The following BARD1 variants were observed in gnomAD, a reference collection of about 807,000 sequenced individuals.
BARD1 encodes the protein BRCA1 associated RING domain 1.
BARD1 carries 73 observed loss-of-function variants against 77.0 expected under a neutral mutation model. The observed-to-expected ratio is 0.95, with a 90% CI of 0.79 to 1.15. BARD1 has a LOEUF of 1.15. Ranked by LOEUF, BARD1 falls within the 50% of genes most tolerant of loss-of-function variation. The pLI is 0.00. For synonymous variants in BARD1, 384 were observed against 338.0 expected (o/e 1.14, Z -1.49); for missense variants, 993 against 938.8 (o/e 1.06, Z -0.75).
In BARD1 at chr2:214,744,403, C is replaced by T. The variant is rs532586815; in HGVS notation, c.1903+664G>A. Among the ~76,000 whole-genome samples, 4 of 152,246 alleles carry T rather than the reference C, an allele frequency of 2.6e-5. No individual in the cohort carries two copies. In the South Asian group the frequency reaches 8.3e-4, roughly 32 times the overall value. On this transcript the variant is annotated intron_variant, in intron 9 of 10. Transcript: ENST00000260947. ...ATCATAAAGGAAAAGCAATAAATTGCTTTCATTTCACAGACATGTCATGCA... is the reference window on the plus strand; with the variant it reads ...ATCATAAAGGAAAAGCAATAAATTGTTTTCATTTCACAGACATGTCATGCA...
At chr2:214,804,402 G>T (rs868845386) in intron 1 of BARD1, among the ~76,000 whole-genome samples, 1 of 152,146 alleles carries the variant, frequency 6.6e-6, no homozygotes, top group East Asian at 1.9e-4. Flanking sequence ...CTACAAACGT[G>T]AACCTAGTTT....
Position 214,745,152 on chromosome 2 carries a change from A to G in BARD1, c.1818T>C (p.His606=), listed in dbSNP as rs199590147. The change falls in exon 9 of 11, where the codon CAT becomes CAC. Residue 606 remains histidine, a synonymous_variant. Transcript: ENST00000260947. ...KYTEFDSTVT[H]VVVPGDAVQS... is the part of the protein sequence containing the mutation. ...GAACTGCATCACCAGGAACAACAAC[A>G]TGAGTTACTAAAATACAAAAAAAGC... 13 of 1,613,420 alleles carry G rather than the reference A, an allele frequency of 8.1e-6. No homozygotes were observed. Among genetic ancestry groups the G allele is most frequent in the Admixed American group, 1.7e-5 (1 of 60,010 alleles).
Position 214,797,075 on chromosome 2 carries a change from C to T in BARD1, c.201G>A (p.Glu67=), listed in dbSNP as rs1385746925. Residue 67 remains glutamate, a synonymous_variant, in exon 2 of 11, where the codon GAG becomes GAA. Transcript: ENST00000260947. ...TAATTACTTACCTACAGAAGATGTGCTCACATCCTCCTAAACACACAGGCT... is the reference window on the plus strand; with the variant it reads ...TAATTACTTACCTACAGAAGATGTGTTCACATCCTCCTAAACACACAGGCT... The part of the protein sequence containing the change: ...LREPVCLGGC[E]HIFCSNCVSD... The T allele has an allele frequency of 1.2e-6, 2 of 1,612,434 alleles. No individual in the cohort carries two copies. Among genetic ancestry groups the T allele is most frequent in the South Asian group, 2.2e-5 (2 of 91,058 alleles).
intron 4 of BARD1, among the ~76,000 whole-genome samples, chr2:214,775,750 A>T (rs1694711077): frequency 6.6e-6 from 1 of 152,208 alleles, no homozygotes; most frequent in African/African-American, 2.4e-5. Flanking sequence ...ATGGCACAAT[A>T]AGTTACTGGT....
chr2:214,787,218 CAACT>C (rs1695313117), intron 3 of BARD1, among the ~76,000 whole-genome samples: 1 of 151,682 alleles, frequency 6.6e-6, no homozygotes, highest in African/African-American at 2.4e-5. Context: ...GCAACATACT[CAACT>C]GACTAAAAAA....
chr2:214,765,040 A>G (rs1694132317), intron 6 of BARD1, among the ~76,000 whole-genome samples: 1 of 152,200 alleles, frequency 6.6e-6, no homozygotes, highest in Non-Finnish European at 1.5e-5. Flanking sequence ...TGTATCAACC[A>G]GCTGTCCAAC....
At chr2:214,773,938 A>G (rs6750341) in intron 4 of BARD1, among the ~76,000 whole-genome samples, 5,302 of 152,280 alleles carry the variant, frequency 0.035, 125 homozygotes, top group Non-Finnish European at 0.049. Flanking sequence ...TGTTTTATCA[A>G]CTAAGATGAT....
intron 6 of BARD1, among the ~76,000 whole-genome samples, chr2:214,757,085 C>T (rs1693728162): frequency 6.6e-6 from 1 of 152,140 alleles, no homozygotes; most frequent in African/African-American, 2.4e-5. Flanking sequence ...CATCTCCCAC[C>T]ATGACTGTAA....
chr2:214,780,109 C>T lies in BARD1; in HGVS notation c.1314+451G>A, dbSNP rs150312965. On this transcript the variant is annotated intron_variant, in intron 4 of 10. Transcript: ENST00000260947. ...AGCCATTTCTGATAGTCAAATGTCC[C>T]GGTCATTGGAGAAATGTACAGACCA... Among the ~76,000 whole-genome samples, 24 of 152,236 alleles carry T rather than the reference C, an allele frequency of 1.6e-4. No individual in the cohort carries two copies. The East Asian group carries it at 4.1e-3, about 26-fold the overall frequency.
At chr2:214,751,150 T>C (rs13013105) in intron 7 of BARD1, among the ~76,000 whole-genome samples, 1,552 of 29,814 alleles carry the variant, frequency 0.052, 193 homozygotes, top group East Asian at 0.13. Context: ...TATATATATA[T>C]ATTTTTTTTT....
intron 9 of BARD1, among the ~76,000 whole-genome samples, chr2:214,730,712 A>G (rs1692318004): frequency 6.6e-6 from 1 of 152,194 alleles, no homozygotes; most frequent in Non-Finnish European, 1.5e-5. Context: ...ATATTTTAAA[A>G]AACTCTTTCT....
chr2:214,771,943 A>AAAAAAAAAAG (rs59814038), intron 4 of BARD1, among the ~76,000 whole-genome samples: 54 of 143,412 alleles, frequency 3.8e-4, no homozygotes, highest in African/African-American at 1.2e-3. Context: ...AAAAAAAAAA[A>AAAAAAAAAAG]GCAACATTTT....
In BARD1 at chr2:214,728,385, T is replaced by TTCTGGTG; in HGVS notation, c.*284_*290dup. ...ATACCACTTGTCTATTTAACCAAGA[T>TTCTGGTG]TCTGGTGTCCTCATTAATCTTTGAT... On this transcript the variant is annotated 3_prime_UTR_variant, in exon 11 of 11. Coordinates refer to ENST00000260947, the MANE Select transcript of BARD1 (RefSeq NM_000465.4). 2.5e-6 allele frequency: 1 copy of TTCTGGTG among 397,426 alleles called. No homozygotes were observed. Among genetic ancestry groups the TTCTGGTG allele is most frequent in the Non-Finnish European group, 4.6e-6 (1 of 219,090 alleles). The allele number at this position is 397,426 out of a possible 1,614,324, so 24.6% of individuals were successfully genotyped here. A position where few individuals can be genotyped will look rare whatever the true frequency, so the allele number is the denominator to read the frequency against.
At chr2:214,747,067 AAAG>A (rs1283669035) in intron 7 of BARD1, among the ~76,000 whole-genome samples, 1 of 152,034 alleles carries the variant, frequency 6.6e-6, no homozygotes, top group Non-Finnish European at 1.5e-5. Context: ...ACACTTCTCA[AAAG>A]AAGACATTTA....
chr2:214,794,614 G>A (rs768905094), intron 2 of BARD1, among the ~76,000 whole-genome samples: 9 of 151,918 alleles, frequency 5.9e-5, no homozygotes, highest in Non-Finnish European at 1.0e-4. Context: ...GTTTTGTACG[G>A]TAAATGCATG....
At chr2:214,759,966 T>A (rs546876462) in intron 6 of BARD1, among the ~76,000 whole-genome samples, 1 of 152,336 alleles carries the variant, frequency 6.6e-6, no homozygotes, top group Admixed American at 6.5e-5. Flanking sequence ...GCTTTTAAAT[T>A]CACTTGGCTT....
At chr2:214,747,121 G>C (rs1454705109) in intron 7 of BARD1, among the ~76,000 whole-genome samples, 4 of 151,532 alleles carry the variant, frequency 2.6e-5, no homozygotes, top group Non-Finnish European at 3.0e-5. Context: ...ATCATCACTG[G>C]CCATCAGAGA....
At chr2:214,773,738 G>A (rs897998154) in intron 4 of BARD1, among the ~76,000 whole-genome samples, 15 of 152,208 alleles carry the variant, frequency 9.9e-5, no homozygotes, top group Admixed American at 7.9e-4. Context: ...GCTGGCTGCT[G>A]ACTGAGCAAG....
At chr2:214,757,586 GTTTA>G (rs753219117) in intron 6 of BARD1, among the ~76,000 whole-genome samples, 3 of 151,986 alleles carry the variant, frequency 2.0e-5, no homozygotes, top group African/African-American at 7.3e-5. Flanking sequence ...AGCAATAATC[GTTTA>G]TTTATTTAAC....
Sources: gnomAD v4.1 joint callset for allele counts (sites outside exome capture counted in the v4.1 genomes callset) on GRCh38, gnomAD v4.1.1 for gene constraint, MANE v1.5 for transcripts, NCBI Gene and HGNC (gene_info 2026-07-23, HGNC 2026-07-21) for gene names.